Variants in ZMAT4 observed in about 807,000 individuals in gnomAD.
ZMAT4 encodes the protein zinc finger matrin-type protein 4.
Under a neutral mutation model 28.7 loss-of-function variants are expected in ZMAT4, and 17 were observed. The ratio of observed to expected loss-of-function variants is 0.59; its 90% CI spans 0.41 to 0.89. ZMAT4 has a LOEUF of 0.89. Ranked by LOEUF, ZMAT4 falls within the 40% of genes least tolerant of loss-of-function variation. The pLI is 0.00. For synonymous variants in ZMAT4, 117 were observed against 109.2 expected (o/e 1.07, Z -0.44); for missense variants, 240 against 283.8 (o/e 0.85, Z 1.11).
intron 1 of ZMAT4, among the ~76,000 whole-genome samples, chr8:40,879,293 C>G (rs751640414): frequency 7.2e-5 from 11 of 152,146 alleles, no homozygotes; most frequent in Non-Finnish European, 1.0e-4. Context: ...CATGGTGGCT[C>G]TCACCTGTAG....
At chr8:40,845,390 G>T (rs1347938517) in intron 1 of ZMAT4, among the ~76,000 whole-genome samples, 1 of 152,202 alleles carries the variant, frequency 6.6e-6, no homozygotes, top group Non-Finnish European at 1.5e-5. Flanking sequence ...CAAAAAGTTA[G>T]AAGTTATTAA....
At chr8:40,663,266 T>A (rs1445965698) in intron 5 of ZMAT4, among the ~76,000 whole-genome samples, 2 of 152,188 alleles carry the variant, frequency 1.3e-5, no homozygotes, top group Non-Finnish European at 2.9e-5. Flanking sequence ...CATATCTCAA[T>A]GCTAACTTCA....
intron 5 of ZMAT4, among the ~76,000 whole-genome samples, chr8:40,648,295 G>T (rs1168353954): frequency 1.3e-5 from 2 of 151,636 alleles, no homozygotes; most frequent in African/African-American, 4.9e-5. Flanking sequence ...CTCAGGAGCC[G>T]ATGCGATCAA....
chr8:40,533,838 G>A lies in ZMAT4; in HGVS notation c.675-1600C>T, dbSNP rs141551639. 5.9e-5 allele frequency among the ~76,000 whole-genome samples: 9 copies of A among 152,150 alleles called. No homozygotes were observed. In the East Asian group the frequency reaches 1.2e-3, roughly 20 times the overall value. On this transcript the variant is annotated intron_variant, in intron 6 of 6. Coordinates refer to ENST00000297737, the MANE Select transcript of ZMAT4 (RefSeq NM_024645.3). The stretch of plus-strand genomic sequence containing the variant: ...AGAATCTCATACTCTGCTACCATCC[G>A]GTCATGACCTAAAGAAATTCAACAG...
At chr8:40,612,889 T>C (rs1805851703) in intron 5 of ZMAT4, among the ~76,000 whole-genome samples, 1 of 148,258 alleles carries the variant, frequency 6.7e-6, no homozygotes. Context: ...CTTGGCTCAC[T>C]GCAACCTCCG....
chr8:40,599,314 G>C (rs1026060094), intron 5 of ZMAT4, among the ~76,000 whole-genome samples: 1 of 152,124 alleles, frequency 6.6e-6, no homozygotes, highest in Non-Finnish European at 1.5e-5. Flanking sequence ...AGGTTAATTA[G>C]TAGGAATCTC....
intron 6 of ZMAT4, among the ~76,000 whole-genome samples, chr8:40,540,166 A>G (rs983998880): frequency 6.6e-6 from 1 of 152,202 alleles, no homozygotes; most frequent in Non-Finnish European, 1.5e-5. Flanking sequence ...AACTCCAACC[A>G]GCCTGTGCAC....
At chr8:40,811,863 G>A (rs936211997) in intron 2 of ZMAT4, among the ~76,000 whole-genome samples, 1 of 152,128 alleles carries the variant, frequency 6.6e-6, no homozygotes, top group Non-Finnish European at 1.5e-5. Flanking sequence ...AGGCACAGTG[G>A]CTCATGCCTG....
chr8:40,659,638 G>T (rs1478821192), intron 5 of ZMAT4, among the ~76,000 whole-genome samples: 1 of 152,024 alleles, frequency 6.6e-6, no homozygotes, highest in Non-Finnish European at 1.5e-5. Flanking sequence ...ATTCACAATC[G>T]AAGTTCACAG....
chr8:40,732,483 G>T (rs547230271), intron 3 of ZMAT4, among the ~76,000 whole-genome samples: 44 of 152,354 alleles, frequency 2.9e-4, no homozygotes, highest in African/African-American at 1.0e-3. Context: ...CAGTTGGGCA[G>T]CAGTGAGCAG....
At chr8:40,794,715 A>C (rs1221743982) in intron 2 of ZMAT4, among the ~76,000 whole-genome samples, 2 of 152,108 alleles carry the variant, frequency 1.3e-5, no homozygotes, top group Non-Finnish European at 2.9e-5. Context: ...TCCCCAGTGG[A>C]CACAGGTATT....
At chr8:40,702,610 CT>C (rs1334346132) in intron 3 of ZMAT4, among the ~76,000 whole-genome samples, 2 of 152,162 alleles carry the variant, frequency 1.3e-5, no homozygotes, top group East Asian at 3.9e-4. Context: ...ATAAAGATTT[CT>C]TTAATTTAAT....
chr8:40,631,222 G>C (rs1268696131), intron 5 of ZMAT4, among the ~76,000 whole-genome samples: 1 of 152,058 alleles, frequency 6.6e-6, no homozygotes, highest in Non-Finnish European at 1.5e-5. Flanking sequence ...GCCCAGGCTG[G>C]AGTGCTGAGG....
At chr8:40,749,666 G>A (rs188219633) in intron 3 of ZMAT4, among the ~76,000 whole-genome samples, 62 of 152,316 alleles carry the variant, frequency 4.1e-4, no homozygotes, top group Admixed American at 3.5e-3. Flanking sequence ...ATGTTCTACA[G>A]GAACCTGGGA....
intron 5 of ZMAT4, among the ~76,000 whole-genome samples, chr8:40,626,562 T>C (rs532879746): frequency 3.3e-5 from 5 of 152,346 alleles, no homozygotes; most frequent in Non-Finnish European, 5.9e-5. Context: ...CCTGCCTCCA[T>C]GCCATGGTCA....
chr8:40,736,771 G>A (rs547979974), intron 3 of ZMAT4, among the ~76,000 whole-genome samples: 1 of 151,644 alleles, frequency 6.6e-6, no homozygotes, highest in Non-Finnish European at 1.5e-5. Flanking sequence ...ATGGGCAGGA[G>A]TGAAGCAAAG....
chr8:40,580,018 T>A (rs1264187128), intron 6 of ZMAT4, among the ~76,000 whole-genome samples: 3 of 148,760 alleles, frequency 2.0e-5, no homozygotes, highest in Non-Finnish European at 4.5e-5. Context: ...ATCTTTTTTT[T>A]TTTTTTTTTT....
At chr8:40,885,698 G>A (rs1818427779) in intron 1 of ZMAT4, among the ~76,000 whole-genome samples, 1 of 152,144 alleles carries the variant, frequency 6.6e-6, no homozygotes, top group African/African-American at 2.4e-5. Context: ...AGTGGTTCAA[G>A]GAAGCACACC....
chr8:40,712,817 G>A (rs534866771), intron 3 of ZMAT4, among the ~76,000 whole-genome samples: 1 of 152,236 alleles, frequency 6.6e-6, no homozygotes, highest in African/African-American at 2.4e-5. Flanking sequence ...TGCCCCAGAA[G>A]CAGTGCATAT....
Sources: gnomAD v4.1 joint callset for allele counts (sites outside exome capture counted in the v4.1 genomes callset) on GRCh38, gnomAD v4.1.1 for gene constraint, MANE v1.5 for transcripts, NCBI Gene and HGNC (gene_info 2026-07-23, HGNC 2026-07-21) for gene names.